The following TPGS2 variants were observed in gnomAD, a reference collection of about 807,000 sequenced individuals.
TPGS2 encodes polyglutamylase subunit 2.
Under a neutral mutation model 31.1 loss-of-function variants are expected in TPGS2, and 26 were observed. That is an observed-to-expected ratio of 0.84 (90% CI 0.61 to 1.16). The LOEUF (loss-of-function observed/expected upper bound fraction) is 1.16, where lower values mean the gene tolerates loss of function less well. Ranked by LOEUF, TPGS2 falls within the 50% of genes most tolerant of loss-of-function variation. The probability of loss-of-function intolerance (pLI) is 0.00; values close to 1 mark genes in which losing one functional copy is unlikely to be tolerated. For missense variants in TPGS2, 351 were observed against 363.8 expected, an observed-to-expected ratio of 0.96 and a Z score of 0.29; for synonymous variants, 130 against 136.6, an observed-to-expected ratio of 0.95 and a Z score of 0.34.
At chr18:36,781,218 C>T (rs1211626612), downstream of TPGS2, among the ~76,000 whole-genome samples, 1 of 152,168 alleles carries the variant, frequency 6.6e-6, no homozygotes, top group Non-Finnish European at 1.5e-5. Flanking sequence ...ATACCCTCCA[C>T]GGAAGCCCCT....
chr18:36,801,819 C>T (rs994212903), intron 4 of TPGS2, among the ~76,000 whole-genome samples: 6 of 152,070 alleles, frequency 3.9e-5, no homozygotes, highest in Non-Finnish European at 5.9e-5. Flanking sequence ...GTTTCTTGTT[C>T]CTGGCTTATT....
At chr18:36,804,692 A>T (rs2045021855) in intron 4 of TPGS2, among the ~76,000 whole-genome samples, 1 of 152,166 alleles carries the variant, frequency 6.6e-6, no homozygotes, top group African/African-American at 2.4e-5. Context: ...ATGAAAGCCC[A>T]GTTCTGTTCA....
At chr18:36,826,157 C>T (rs2046126061) in intron 1 of TPGS2, among the ~76,000 whole-genome samples, 1 of 152,052 alleles carries the variant, frequency 6.6e-6, no homozygotes, top group Admixed American at 6.6e-5. Flanking sequence ...CCTATCTCAG[C>T]CTCCTGAGTA....
chr18:36,825,473 G>T (rs1600852919), intron 1 of TPGS2, among the ~76,000 whole-genome samples: 1 of 149,974 alleles, frequency 6.7e-6, no homozygotes, highest in African/African-American at 2.5e-5. Context: ...TCATAAATAT[G>T]ATGTTTATTT....
At chr18:36,825,185 C>A (rs1466633621) in intron 1 of TPGS2, among the ~76,000 whole-genome samples, 1 of 152,096 alleles carries the variant, frequency 6.6e-6, no homozygotes, top group Non-Finnish European at 1.5e-5. Context: ...GTAATCCCAG[C>A]ACTTTGGGAG....
At chr18:36,800,999 T>C (rs1204924689) in intron 4 of TPGS2, among the ~76,000 whole-genome samples, 1 of 152,224 alleles carries the variant, frequency 6.6e-6, no homozygotes, top group Non-Finnish European at 1.5e-5. Context: ...CAGAACCATG[T>C]AAAAGCCCTC....
rs1277595840 is a variant in TPGS2, at chr18:36,805,464, T to A, written c.292A>T (p.Ile98Phe). The part of the protein sequence containing the change: ...IPLGSMAINS[I>F]SKLTQLTQSS... The stretch of plus-strand genomic sequence containing the variant: ...TGGGTGAGCTGAGTCAGTTTTGAGA[T>A]GCTGTTAATTGCCATGCTTCCCAGT... The change falls in exon 4 of 7, where the codon ATC becomes TTC. Residue 98 changes from isoleucine to phenylalanine, a missense_variant. Transcript: ENST00000334295. 1 of 1,614,108 alleles carries A rather than the reference T, an allele frequency of 6.2e-7. No individual in the cohort carries two copies. Among genetic ancestry groups the A allele is most frequent in the Non-Finnish European group, 8.5e-7 (1 of 1,179,972 alleles).
Position 36,797,070 on chromosome 18 carries a change from G to A in TPGS2, c.658-20C>T, listed in dbSNP as rs1037597628. 6.3e-7 allele frequency: 1 copy of A among 1,595,748 alleles called. No individual in the cohort carries two copies. ...CCATTGCTGTAAGGCAGAATTGGAA[G>A]ACAAGGTCACAATTCAAAGGAAAAA... is the stretch of plus-strand genomic sequence containing the variant. On this transcript the variant is annotated intron_variant, in intron 6 of 6. Coordinates refer to ENST00000334295, the MANE Select transcript of TPGS2 (RefSeq NM_015476.4).
chr18:36,811,307 GT>G (rs1056469631), intron 2 of TPGS2, among the ~76,000 whole-genome samples: 128 of 152,310 alleles, frequency 8.4e-4, no homozygotes, highest in African/African-American at 2.9e-3. Context: ...GGAGGGCTTG[GT>G]TAACTGAACC....
chr18:36,818,982 G>GA lies in TPGS2; in HGVS notation c.86-10dup. 4 of 1,607,826 alleles carry GA rather than the reference G, an allele frequency of 2.5e-6. No individual in the cohort carries two copies. The highest frequency in any genetic ancestry group is 3.4e-6 in the Non-Finnish European group (4 of 1,177,320). On this transcript the variant is annotated splice_polypyrimidine_tract_variant and intron_variant, in intron 1 of 6. Transcript: ENST00000334295. ...CACACCTGGGGAAGATTCTGGAAGA[G>GA]AAAAAAGAGTCTGTAGAGTTGCAAT... is the stretch of plus-strand genomic sequence containing the variant.
At chr18:36,799,019 C>T (rs974835236) in intron 5 of TPGS2, among the ~76,000 whole-genome samples, 2 of 152,088 alleles carry the variant, frequency 1.3e-5, no homozygotes, top group Non-Finnish European at 2.9e-5. Context: ...AAGTCTCTAT[C>T]GGTGCCATGA....
chr18:36,805,608 C>A, intron 3 of TPGS2, 106 bp from the exon 4 acceptor site: 1 of 1,460,398 alleles, frequency 6.8e-7, no homozygotes, highest in Non-Finnish European at 9.4e-7. Flanking sequence ...TGTTTCGCCC[C>A]ATGGCTGACG....
In TPGS2 at chr18:36,828,863, G is replaced by C. The variant is rs984479145; in HGVS notation, c.-96C>G. 1.1e-5 allele frequency: 16 copies of C among 1,457,238 alleles called. No individual in the cohort carries two copies. The highest frequency in any genetic ancestry group is 1.4e-5 in the African/African-American group (1 of 71,734). 90.3% of individuals were successfully genotyped at this position (1,457,238 alleles called of 1,614,324 possible). ...ATTTCATGGCATGCCGGGAACGGTAGTTCTCGGCGCCTGAAAGCGCGGCGC... is the reference window on the plus strand; with the variant it reads ...ATTTCATGGCATGCCGGGAACGGTACTTCTCGGCGCCTGAAAGCGCGGCGC... On this transcript the variant is annotated 5_prime_UTR_variant, in exon 1 of 7. Transcript: ENST00000334295.
In TPGS2 at chr18:36,828,908, G is replaced by T; in HGVS notation, c.-141C>A. ...CGGCGCAGTGATGATGGGGGCCCGG[G>T]GTTGGTCTGACAGCAGCAGCTCCGT... is the stretch of plus-strand genomic sequence containing the variant. On this transcript the variant is annotated 5_prime_UTR_variant, in exon 1 of 7. Coordinates refer to ENST00000334295, the MANE Select transcript of TPGS2 (RefSeq NM_015476.4). The T allele has an allele frequency of 9.0e-7, 1 of 1,106,948 alleles. No individual in the cohort carries two copies. Among genetic ancestry groups the T allele is most frequent in the Non-Finnish European group, 1.3e-6 (1 of 789,350 alleles). 68.6% of individuals were successfully genotyped at this position (1,106,948 alleles called of 1,614,324 possible). A position where few individuals can be genotyped will look rare whatever the true frequency, so the allele number is the denominator to read the frequency against.
intron 3 of TPGS2, among the ~76,000 whole-genome samples, chr18:36,807,205 A>C (rs1429874097): frequency 1.3e-5 from 2 of 152,152 alleles, no homozygotes; most frequent in Non-Finnish European, 2.9e-5. Context: ...AAATGTTTTC[A>C]AGAGTCTTCA....
chr18:36,790,330 C>CTG (rs2044266740), downstream of TPGS2, among the ~76,000 whole-genome samples: 2 of 152,192 alleles, frequency 1.3e-5, no homozygotes, highest in African/African-American at 4.8e-5. Flanking sequence ...CCCTTATCAC[C>CTG]TGGGAATCCT....
chr18:36,793,325 T>C (rs1305475378), downstream of TPGS2, among the ~76,000 whole-genome samples: 2 of 152,218 alleles, frequency 1.3e-5, no homozygotes, highest in Non-Finnish European at 2.9e-5. Context: ...GGACCCATGA[T>C]GTGTCAGAGC....
downstream of TPGS2, chr18:36,793,988 G>C (rs534695711): frequency 6.6e-6 from 1 of 152,654 alleles, no homozygotes; most frequent in East Asian, 1.9e-4. Context: ...TGATCCACCA[G>C]CCTCGGCCTT....
At chr18:36,797,586 C>G (rs1244828192) in intron 6 of TPGS2, among the ~76,000 whole-genome samples, 1 of 149,846 alleles carries the variant, frequency 6.7e-6, no homozygotes, top group East Asian at 1.9e-4. Context: ...ACAGCCGCCT[C>G]TCAATGTTGA....
Sources: allele counts gnomAD v4.1 joint callset (sites outside exome capture counted in the v4.1 genomes callset), GRCh38; gene constraint gnomAD v4.1.1; transcripts MANE v1.5; gene names NCBI Gene and HGNC (gene_info 2026-07-23, HGNC 2026-07-21).